The following HDAC2 variants were observed in gnomAD, a reference collection of about 807,000 sequenced individuals.
HDAC2 encodes the protein histone deacetylase 2, also known as YY1-associated factor 1.
Under a neutral mutation model 68.5 loss-of-function variants are expected in HDAC2, and 5 were observed. The ratio of observed to expected loss-of-function variants is 0.07; its 90% CI spans 0.04 to 0.15. HDAC2 has a LOEUF of 0.15. HDAC2 is among the 10% of genes least tolerant of loss of function. The probability of loss-of-function intolerance (pLI) is 1.00; values close to 1 mark genes in which losing one functional copy is unlikely to be tolerated. For synonymous variants in HDAC2, 182 were observed against 191.3 expected (o/e 0.95, Z 0.40); for missense variants, 291 against 600.8 (o/e 0.48, Z 5.39).
Position 113,970,540 on chromosome 6 carries a change from G to A in HDAC2, c.52+317C>T, listed in dbSNP as rs200869872. 18 of 1,087,792 alleles carry A rather than the reference G, an allele frequency of 1.7e-5. No individual in the cohort carries two copies. In the South Asian group the frequency reaches 2.9e-4, roughly 18 times the overall value. The allele number at this position is 1,087,792 out of a possible 1,614,324, so 67.4% of individuals were successfully genotyped here. A position where few individuals can be genotyped will look rare whatever the true frequency, so the allele number is the denominator to read the frequency against. ...AGAATGGGCCGCCCCCTTCGCCGCC[G>A]CCACCACCAAGGCGGGGTAGGCCGG... On this transcript the variant is annotated intron_variant, in intron 1 of 13. Coordinates refer to ENST00000519065, the MANE Select transcript of HDAC2 (RefSeq NM_001527.4).
intron 1 of HDAC2, chr6:113,962,383 G>T: frequency 1.1e-6 from 1 of 909,494 alleles, no homozygotes; most frequent in African/African-American, 1.8e-5. Flanking sequence ...ACTAGAAATG[G>T]CAGGGTGAAG....
intron 5 of HDAC2, chr6:113,955,799 T>C (rs942545471): frequency 4.5e-5 from 20 of 448,338 alleles, no homozygotes; most frequent in Non-Finnish European, 5.0e-5. Flanking sequence ...GCCTGGGCCA[T>C]AGTGCCTGGC....
intron 10 of HDAC2, among the ~76,000 whole-genome samples, chr6:113,944,924 T>TG (rs1776233489): frequency 6.6e-6 from 1 of 152,208 alleles, no homozygotes. Context: ...TGTACTATAA[T>TG]GTCTCTACTT....
intron 1 of HDAC2, among the ~76,000 whole-genome samples, chr6:113,967,575 A>G (rs1185710978): frequency 1.3e-5 from 2 of 152,254 alleles, no homozygotes; most frequent in Non-Finnish European, 2.9e-5. Context: ...GTATAGTTAC[A>G]TAAATTAGGT....
At chr6:113,952,653 C>T (rs900604745) in intron 6 of HDAC2, among the ~76,000 whole-genome samples, 14 of 151,922 alleles carry the variant, frequency 9.2e-5, no homozygotes, top group Non-Finnish European at 7.4e-5. Context: ...TGTAGTGAGG[C>T]AAAAAACCTT....
At chr6:113,941,434 T>C (rs1776131467) in intron 13 of HDAC2, among the ~76,000 whole-genome samples, 1 of 152,034 alleles carries the variant, frequency 6.6e-6, no homozygotes, top group Non-Finnish European at 1.5e-5. Flanking sequence ...ATGAAAACCA[T>C]TAAGTGCATA....
At chr6:113,949,661 G>A (rs1018102092) in intron 6 of HDAC2, among the ~76,000 whole-genome samples, 10 of 152,148 alleles carry the variant, frequency 6.6e-5, no homozygotes, top group South Asian at 2.1e-4. Flanking sequence ...AAGCCCTGCC[G>A]GACAATCATC....
At position 113,956,365 on chromosome 6, in the gene HDAC2, G is replaced by A; in HGVS notation, c.359-214C>T. Reference sequence around the variant, plus strand: ...GATTAAATAATGGTTTATGTGGAAAGTGGTAGTAACAATGATACCTAGAAG... The same window carrying A: ...GATTAAATAATGGTTTATGTGGAAAATGGTAGTAACAATGATACCTAGAAG... On this transcript the variant is annotated intron_variant, in intron 4 of 13. Transcript: ENST00000519065. 7.0e-6 allele frequency: 4 copies of A among 569,968 alleles called. No homozygotes were observed. The South Asian group carries it at 7.7e-5, about 11-fold the overall frequency. The allele number at this position is 569,968 out of a possible 1,614,324, so 35.3% of individuals were successfully genotyped here.
intron 2 of HDAC2, among the ~76,000 whole-genome samples, chr6:113,959,408 T>TTA (rs1328616251): frequency 2.0e-5 from 3 of 152,040 alleles, no homozygotes; most frequent in Non-Finnish European, 4.4e-5. Context: ...ACCCTCATCT[T>TTA]TATCTACAAA....
chr6:113,956,398 G>C (rs1051090452), intron 4 of HDAC2: 2 of 565,208 alleles, frequency 3.5e-6, no homozygotes, highest in African/African-American at 3.7e-5. Context: ...AAGACAAAGG[G>C]AATGAATGAA....
chr6:113,941,799 A>G lies in HDAC2; in HGVS notation c.1379-34T>C, dbSNP rs372737085. ...AAAGATTGGGAAAAGATTAAAACCT[A>G]TTTTGAAATATAAAATGTATATATA... On this transcript the variant is annotated intron_variant, in intron 12 of 13. Transcript: ENST00000519065. 21 of 778,964 alleles carry G rather than the reference A, an allele frequency of 2.7e-5. No homozygotes were observed. The African/African-American group carries it at 3.3e-4, about 12-fold the overall frequency. 48.3% of individuals were successfully genotyped at this position (778,964 alleles called of 1,614,324 possible).
In HDAC2 at chr6:113,938,443, A is replaced by AT. The variant is rs1380920873; in HGVS notation, c.*2614dup. 1 of 151,910 alleles carries AT rather than the reference A, an allele frequency of 6.6e-6. No homozygotes were observed. The highest frequency in any genetic ancestry group is 2.4e-5 in the African/African-American group (1 of 41,348). 9.4% of individuals were successfully genotyped at this position (151,910 alleles called of 1,614,324 possible). A position where few individuals can be genotyped will look rare whatever the true frequency, so the allele number is the denominator to read the frequency against. ...ACTAATTTTTTTTTTGTTATCAAAT[A>AT]TATCTTTTATAGTTGAGTTTGGTGT... On this transcript the variant is annotated 3_prime_UTR_variant, in exon 14 of 14. Coordinates refer to ENST00000519065, the MANE Select transcript of HDAC2 (RefSeq NM_001527.4).
At chr6:113,956,330 T>C (rs1280177780) in intron 4 of HDAC2, 179 bp from the exon 5 acceptor site, 2 of 577,812 alleles carry the variant, frequency 3.5e-6, no homozygotes, top group East Asian at 2.8e-5. Flanking sequence ...CTCCTAGAGC[T>C]GCAACCTGAG....
chr6:113,939,707 G>A lies in HDAC2; in HGVS notation c.*1351C>T, dbSNP rs996652516. On this transcript the variant is annotated 3_prime_UTR_variant, in exon 14 of 14. Coordinates refer to ENST00000519065, the MANE Select transcript of HDAC2 (RefSeq NM_001527.4). ...CTGGGAGGGAGGGAGGATTACAAAC[G>A]ACAAAGTACACAAAGAGAGCTTCAA... is the stretch of plus-strand genomic sequence containing the variant. 2.0e-5 allele frequency: 3 copies of A among 151,972 alleles called. No homozygotes were observed. The highest frequency in any genetic ancestry group is 6.6e-5 in the Admixed American group (1 of 15,252). 9.4% of individuals were successfully genotyped at this position (151,972 alleles called of 1,614,324 possible).
At chr6:113,970,311 G>A (rs1354722721) in intron 1 of HDAC2, 1 of 307,636 alleles carries the variant, frequency 3.3e-6, no homozygotes, top group East Asian at 1.7e-4. Context: ...GCTCCGGCCA[G>A]ACCGAACGCA....
chr6:113,943,656 G>A (rs936424975), intron 11 of HDAC2, 150 bp from the exon 12 acceptor site: 1 of 494,204 alleles, frequency 2.0e-6, no homozygotes, highest in Non-Finnish European at 3.3e-6. Context: ...TGAATGGAAT[G>A]AATGGTTTAT....
chr6:113,965,315 GT>G (rs1022822445), intron 1 of HDAC2, among the ~76,000 whole-genome samples: 1 of 150,948 alleles, frequency 6.6e-6, no homozygotes, highest in African/African-American at 2.4e-5. Flanking sequence ...CTTCCTTCAG[GT>G]CTTCCCTTTT....
rs1442328651 is a variant in HDAC2, at chr6:113,934,950, T to C, written c.*6108A>G. On this transcript the variant is annotated 3_prime_UTR_variant, in exon 14 of 14. Transcript: ENST00000519065. Reference sequence around the variant, plus strand: ...GTATCTAGAGTAAATTTTTCGCACCTACTTGCCCAAACTTTCTTATCAGAT... The same window carrying C: ...GTATCTAGAGTAAATTTTTCGCACCCACTTGCCCAAACTTTCTTATCAGAT... The C allele has an allele frequency of 1.3e-5, 2 of 152,180 alleles. No individual in the cohort carries two copies. Among genetic ancestry groups the C allele is most frequent in the African/African-American group, 2.4e-5 (1 of 41,438 alleles). 9.4% of individuals were successfully genotyped at this position (152,180 alleles called of 1,614,324 possible). A position where few individuals can be genotyped will look rare whatever the true frequency, so the allele number is the denominator to read the frequency against.
Position 113,937,619 on chromosome 6 carries a change from A to G in HDAC2, c.*3439T>C, listed in dbSNP as rs1213240305. On this transcript the variant is annotated 3_prime_UTR_variant, in exon 14 of 14. Coordinates refer to ENST00000519065, the MANE Select transcript of HDAC2 (RefSeq NM_001527.4). ...GGGTACGGTGGCTCATGCCTGAGTCAGGAGAATCGCTTGAGCCTAGGAGTT... is the reference window on the plus strand; with the variant it reads ...GGGTACGGTGGCTCATGCCTGAGTCGGGAGAATCGCTTGAGCCTAGGAGTT... The G allele has an allele frequency of 6.6e-6, 1 of 152,302 alleles. No individual in the cohort carries two copies. The highest frequency in any genetic ancestry group is 1.5e-5 in the Non-Finnish European group (1 of 68,120). 9.4% of individuals were successfully genotyped at this position (152,302 alleles called of 1,614,324 possible). A position where few individuals can be genotyped will look rare whatever the true frequency, so the allele number is the denominator to read the frequency against.
Sources: allele counts gnomAD v4.1 joint callset (sites outside exome capture counted in the v4.1 genomes callset), GRCh38; gene constraint gnomAD v4.1.1; transcripts MANE v1.5; gene names NCBI Gene and HGNC (gene_info 2026-07-23, HGNC 2026-07-21).